MAGI1: variants seen among roughly 807,000 people sequenced by gnomAD.
MAGI1 encodes membrane-associated guanylate kinase, WW and PDZ domain-containing protein 1.
In MAGI1, 58 loss-of-function variants were observed where a neutral mutation model predicts 139.9. That is an observed-to-expected ratio of 0.41 (90% CI 0.34 to 0.52). MAGI1 has a LOEUF of 0.52. MAGI1 is among the 20% of genes least tolerant of loss of function. The pLI, the probability that MAGI1 is intolerant of heterozygous loss-of-function variation, is 0.12. For missense variants in MAGI1, 1,874 were observed against 1,901.6 expected, an observed-to-expected ratio of 0.99 and a Z score of 0.27; for synonymous variants, 812 against 737.9, an observed-to-expected ratio of 1.10 and a Z score of -1.63.
At position 66,021,642 on chromosome 3, in the gene MAGI1, A is replaced by G. The variant is rs75793519; in HGVS notation, c.313+16354T>C. Among the ~76,000 whole-genome samples the G allele has an allele frequency of 1.3e-4, 20 of 152,226 alleles. No homozygotes were observed. In the East Asian group the frequency reaches 3.9e-3, roughly 29 times the overall value. Reference sequence around the variant, plus strand: ...CAGAGCACCTTTAAACACTGGATTCACAGAGTCCACACCCCCAGGATTCTG... The same window carrying G: ...CAGAGCACCTTTAAACACTGGATTCGCAGAGTCCACACCCCCAGGATTCTG... On this transcript the variant is annotated intron_variant, in intron 1 of 22. Coordinates refer to ENST00000402939, the MANE Select transcript of MAGI1 (RefSeq NM_001033057.2).
At chr3:65,641,407 G>T (rs1451612022) in intron 1 of MAGI1, among the ~76,000 whole-genome samples, 1 of 152,138 alleles carries the variant, frequency 6.6e-6, no homozygotes, top group Non-Finnish European at 1.5e-5. Flanking sequence ...GAATCTATAG[G>T]GAAGGACTAG....
chr3:65,602,387 T>G (rs1252791757), intron 2 of MAGI1, among the ~76,000 whole-genome samples: 1 of 152,184 alleles, frequency 6.6e-6, no homozygotes, highest in Admixed American at 6.5e-5. Flanking sequence ...AATGAAATAC[T>G]GATACGACAT....
chr3:65,787,567 A>G (rs2039482731), intron 1 of MAGI1, among the ~76,000 whole-genome samples: 1 of 149,624 alleles, frequency 6.7e-6, no homozygotes, highest in Non-Finnish European at 1.5e-5. Context: ...GGGCTATACT[A>G]GATGCTGGAA....
At chr3:65,761,127 C>G (rs542445382) in intron 1 of MAGI1, among the ~76,000 whole-genome samples, 1 of 152,292 alleles carries the variant, frequency 6.6e-6, no homozygotes, top group South Asian at 2.1e-4. Context: ...CTTATGTGAT[C>G]TGGAATCTTC....
At chr3:65,658,604 C>T (rs2086018632) in intron 1 of MAGI1, among the ~76,000 whole-genome samples, 1 of 152,128 alleles carries the variant, frequency 6.6e-6, no homozygotes, top group South Asian at 2.1e-4. Flanking sequence ...TGGGATGAGT[C>T]CTTACATTCT....
At chr3:65,822,432 C>G (rs1226426731) in intron 1 of MAGI1, among the ~76,000 whole-genome samples, 3 of 151,882 alleles carry the variant, frequency 2.0e-5, no homozygotes, top group Non-Finnish European at 4.4e-5. Flanking sequence ...GGAGGCTGAG[C>G]CAGAAAAATC....
At chr3:65,872,601 A>G (rs1427491525) in intron 1 of MAGI1, among the ~76,000 whole-genome samples, 1 of 152,230 alleles carries the variant, frequency 6.6e-6, no homozygotes, top group African/African-American at 2.4e-5. Context: ...GTTTATGTCT[A>G]CCAAAACACT....
chr3:65,967,741 A>G (rs1183947467), intron 1 of MAGI1, among the ~76,000 whole-genome samples: 1 of 152,256 alleles, frequency 6.6e-6, no homozygotes, highest in Non-Finnish European at 1.5e-5. Flanking sequence ...CCTGTCTTTA[A>G]GTACTGGCAA....
chr3:65,879,265 C>T lies in MAGI1; in HGVS notation c.313+158731G>A, dbSNP rs188416973. 3.9e-4 allele frequency among the ~76,000 whole-genome samples: 60 copies of T among 152,090 alleles called. No individual in the cohort carries two copies. The East Asian group carries it at 0.011, about 27-fold the overall frequency. On this transcript the variant is annotated intron_variant, in intron 1 of 22. Transcript: ENST00000402939. ...AGAAGCATTTAAGTTCGCTGGGAGTCCCAGGGTCCACCATTAAGCCCCCTG... is the reference window on the plus strand; with the variant it reads ...AGAAGCATTTAAGTTCGCTGGGAGTTCCAGGGTCCACCATTAAGCCCCCTG...
At chr3:65,899,343 A>G (rs893635104) in intron 1 of MAGI1, among the ~76,000 whole-genome samples, 3 of 152,220 alleles carry the variant, frequency 2.0e-5, no homozygotes, top group African/African-American at 7.2e-5. Flanking sequence ...GGAAGTTCAT[A>G]ACTACTCAGG....
At chr3:65,932,421 A>AT (rs2062846067) in intron 1 of MAGI1, among the ~76,000 whole-genome samples, 1 of 152,234 alleles carries the variant, frequency 6.6e-6, no homozygotes, top group Non-Finnish European at 1.5e-5. Context: ...GCTCTCTCCC[A>AT]TAGCAGGTAA....
At chr3:65,388,367 G>A (rs913012078) in intron 14 of MAGI1, among the ~76,000 whole-genome samples, 2 of 152,062 alleles carry the variant, frequency 1.3e-5, no homozygotes, top group Admixed American at 1.3e-4. Context: ...TTAAGCTGCT[G>A]TTGCTGACTT....
intron 1 of MAGI1, among the ~76,000 whole-genome samples, chr3:65,628,591 A>G (rs1576530367): frequency 1.3e-5 from 2 of 152,072 alleles, no homozygotes; most frequent in African/African-American, 2.4e-5. Context: ...ACTCTCGGGG[A>G]AAAAAAGCAT....
intron 1 of MAGI1, among the ~76,000 whole-genome samples, chr3:65,830,727 G>C (rs1038626070): frequency 5.3e-5 from 8 of 152,050 alleles, no homozygotes; most frequent in African/African-American, 1.9e-4. Flanking sequence ...ATGAAACATG[G>C]GACTGCTTGC....
chr3:65,691,775 A>C (rs539409087), intron 1 of MAGI1, among the ~76,000 whole-genome samples: 1 of 152,288 alleles, frequency 6.6e-6, no homozygotes, highest in South Asian at 2.1e-4. Flanking sequence ...ACATTTATCA[A>C]TTCTGTATTT....
Position 65,453,297 on chromosome 3 carries a change from T to C in MAGI1, c.1003A>G (p.Asn335Asp), listed in dbSNP as rs995591025. Residue 335 changes from asparagine to aspartate, a missense_variant, in exon 6 of 23, where the codon AAC becomes GAC. Transcript: ENST00000402939. Reference protein sequence around the residue: ...TTSWLDPRCLNKQQKPLEECE... With the variant: ...TTSWLDPRCLDKQQKPLEECE... Reference sequence around the variant, plus strand: ...TCTTCCAGTGGCTTCTGCTGCTTGTTTAGGCACCGAGGGTCTAACCAAGAT... The same window carrying C: ...TCTTCCAGTGGCTTCTGCTGCTTGTCTAGGCACCGAGGGTCTAACCAAGAT... 6.2e-7 allele frequency: 1 copy of C among 1,613,538 alleles called. No individual in the cohort carries two copies. The highest frequency in any genetic ancestry group is 8.5e-7 in the Non-Finnish European group (1 of 1,179,962).
intron 18 of MAGI1, among the ~76,000 whole-genome samples, chr3:65,374,014 A>G (rs1942256519): frequency 6.6e-6 from 1 of 152,260 alleles, no homozygotes; most frequent in Non-Finnish European, 1.5e-5. Context: ...CAGTTAGTAT[A>G]TAAAAATACT....
chr3:65,977,097 ACCT>A (rs1442239832), intron 1 of MAGI1, among the ~76,000 whole-genome samples: 1 of 152,198 alleles, frequency 6.6e-6, no homozygotes, highest in Non-Finnish European at 1.5e-5. Context: ...GATGCTCAAT[ACCT>A]ACTTATAAAT....
Position 65,460,736 on chromosome 3 carries a change from C to T in MAGI1, c.960-7396G>A, listed in dbSNP as rs138951705. On this transcript the variant is annotated intron_variant, in intron 5 of 22. Transcript: ENST00000402939. ...AACAGGTCCCCTAGTGTGTGATGTT[C>T]CCCTCCCTGTGCCCATATGTCCTCA... 8.4e-4 allele frequency among the ~76,000 whole-genome samples: 128 copies of T among 152,158 alleles called. 4 individuals are homozygous for T. In the East Asian group the frequency reaches 0.022, roughly 26 times the overall value.
Sources: gnomAD v4.1 joint callset for allele counts (sites outside exome capture counted in the v4.1 genomes callset) on GRCh38, gnomAD v4.1.1 for gene constraint, MANE v1.5 for transcripts, NCBI Gene and HGNC (gene_info 2026-07-23, HGNC 2026-07-21) for gene names.